HMGA2: variants seen among roughly 807,000 people sequenced by gnomAD.
The protein encoded by HMGA2 is high mobility group AT-hook 2, also known as high mobility group protein HMGI-C.
Under a neutral mutation model 19.1 loss-of-function variants are expected in HMGA2, and 8 were observed. The observed-to-expected ratio is 0.42, with a 90% CI of 0.25 to 0.76. The LOEUF is 0.76. Ranked by LOEUF, HMGA2 falls within the 30% of genes least tolerant of loss-of-function variation. The pLI is 0.28. For synonymous variants in HMGA2, 60 were observed against 48.8 expected (o/e 1.23, Z -0.96); for missense variants, 109 against 136.3 (o/e 0.80, Z 1.00).
chr12:65,905,787 A>G (rs1874566534), intron 3 of HMGA2, among the ~76,000 whole-genome samples: 1 of 152,266 alleles, frequency 6.6e-6, no homozygotes, highest in East Asian at 1.9e-4. Context: ...AGCTGAAGGA[A>G]TAAAATAAAA....
chr12:65,825,163 C>T lies in HMGA2; in HGVS notation c.-108C>T. 1 of 960,456 alleles carries T rather than the reference C, an allele frequency of 1.0e-6. No individual in the cohort carries two copies. Among genetic ancestry groups the T allele is most frequent in the Non-Finnish European group, 1.5e-6 (1 of 677,514 alleles). The allele number at this position is 960,456 out of a possible 1,614,324, so 59.5% of individuals were successfully genotyped here. ...CGCAGCCCGCCAGCTCGCGCTCGCC[C>T]CGCCGGCGTCCCCAGCCCTATCACC... On this transcript the variant is annotated 5_prime_UTR_variant, in exon 1 of 5. Transcript: ENST00000403681. This position sits in a 1 kb window ranked among gnomAD's most constrained non-coding sequence, Gnocchi z 4.4.
intron 3 of HMGA2, among the ~76,000 whole-genome samples, chr12:65,929,030 A>G (rs934971541): frequency 2.6e-5 from 4 of 152,224 alleles, no homozygotes; most frequent in Admixed American, 6.5e-5. Context: ...CATTTTAAGA[A>G]TTGGTCTATG....
At chr12:65,888,134 G>C (rs1184621954) in intron 3 of HMGA2, among the ~76,000 whole-genome samples, 1 of 152,058 alleles carries the variant, frequency 6.6e-6, no homozygotes, top group Non-Finnish European at 1.5e-5. Flanking sequence ...TTATGAGTTA[G>C]GGAGGCACAA....
At chr12:65,954,516 G>C (rs1398340889) in intron 4 of HMGA2, 1 of 152,216 alleles carries the variant, frequency 6.6e-6, no homozygotes, top group Non-Finnish European at 1.5e-5. Context: ...AGAACTTCAA[G>C]AATGGCCCTT....
At chr12:65,855,458 T>TCACACACACACACACA (rs3048829) in intron 3 of HMGA2, among the ~76,000 whole-genome samples, 1 of 140,134 alleles carries the variant, frequency 7.1e-6, no homozygotes, top group African/African-American at 2.8e-5. Flanking sequence ...TCTCTCTCTC[T>TCACACACACACACACA]CACACACACA....
intron 2 of HMGA2, among the ~76,000 whole-genome samples, chr12:65,838,177 A>C (rs954432897): frequency 2.0e-5 from 3 of 152,166 alleles, no homozygotes; most frequent in Admixed American, 1.3e-4. Context: ...ATGTAGTTAC[A>C]GAATGTGGGG....
chr12:65,914,778 A>T, intron 3 of HMGA2: 6 of 389,706 alleles, frequency 1.5e-5, no homozygotes, highest in Non-Finnish European at 3.0e-5. Context: ...AGGTTCAAGC[A>T]ATTCTCCTGC....
At chr12:65,917,254 C>A (rs1875136518) in intron 3 of HMGA2, among the ~76,000 whole-genome samples, 2 of 152,120 alleles carry the variant, frequency 1.3e-5, no homozygotes, top group African/African-American at 2.4e-5. Flanking sequence ...AGTCCCAGGG[C>A]CTAAGGTCCC....
intron 3 of HMGA2, among the ~76,000 whole-genome samples, chr12:65,921,914 C>T (rs193012832): frequency 2.5e-4 from 38 of 152,284 alleles, no homozygotes; most frequent in Admixed American, 6.5e-4. Flanking sequence ...GTGGCTTTGG[C>T]GAGTGGAAAA....
intron 3 of HMGA2, among the ~76,000 whole-genome samples, chr12:65,852,465 T>C (rs1467096145): frequency 1.3e-5 from 2 of 152,126 alleles, no homozygotes; most frequent in East Asian, 3.9e-4. Context: ...ATTGCACCAC[T>C]GTACTCTGGC....
chr12:65,875,809 G>A (rs1233441725), intron 3 of HMGA2, among the ~76,000 whole-genome samples: 1 of 151,530 alleles, frequency 6.6e-6, no homozygotes, highest in Non-Finnish European at 1.5e-5. Flanking sequence ...CTGTGAGTTT[G>A]AACTACCAAC....
intron 2 of HMGA2, among the ~76,000 whole-genome samples, chr12:65,837,644 G>A (rs1301327356): frequency 1.3e-5 from 2 of 152,132 alleles, no homozygotes; most frequent in Non-Finnish European, 1.5e-5. Context: ...TTGGTGTGTT[G>A]TTGTGTATGA....
At chr12:65,939,508 A>T (rs1402428747) in intron 3 of HMGA2, among the ~76,000 whole-genome samples, 1 of 151,912 alleles carries the variant, frequency 6.6e-6, no homozygotes, top group Non-Finnish European at 1.5e-5. Flanking sequence ...GGCACCCACC[A>T]CCACACCTGG....
chr12:65,955,438 A>G (rs766673571), intron 4 of HMGA2: 2 of 152,194 alleles, frequency 1.3e-5, no homozygotes, highest in Non-Finnish European at 2.9e-5. Flanking sequence ...CTAGTTTATC[A>G]GGTATTTGAT....
chr12:65,915,125 C>T, intron 3 of HMGA2: 1 of 1,613,680 alleles, frequency 6.2e-7, no homozygotes, highest in South Asian at 1.1e-5. Context: ...CAAAAGGAGT[C>T]ACTGAATTGT....
intron 3 of HMGA2, among the ~76,000 whole-genome samples, chr12:65,874,935 C>T (rs1412155232): frequency 6.6e-6 from 1 of 152,154 alleles, no homozygotes; most frequent in Non-Finnish European, 1.5e-5. Flanking sequence ...TGGGATCTCA[C>T]ACATCTGCAG....
At position 65,828,077 on chromosome 12, in the gene HMGA2, C is replaced by T. The variant is rs1870298171; in HGVS notation, c.188C>T (p.Ala63Val). 1.2e-6 allele frequency: 2 copies of T among 1,612,220 alleles called. No individual in the cohort carries two copies. Among genetic ancestry groups the T allele is most frequent in the Admixed American group, 1.7e-5 (1 of 60,002 alleles). The change falls in exon 2 of 5, where the codon GCA becomes GTA. Residue 63 changes from alanine to valine, a missense_variant. By Grantham distance (64) the Ala-to-Val change is moderately conservative (BLOSUM62 0). Coordinates refer to ENST00000403681, the MANE Select transcript of HMGA2 (RefSeq NM_003483.6). ...AGCAAAAACAAGAGTCCCTCTAAAG[C>T]AGCTCAAAAGGTGAGATTTCTCAAG... is the stretch of plus-strand genomic sequence containing the variant. ...KGSKNKSPSKAAQKKAEATGE... is the reference protein window; with the variant it reads ...KGSKNKSPSKVAQKKAEATGE...
intron 3 of HMGA2, among the ~76,000 whole-genome samples, chr12:65,853,871 A>G (rs963931093): frequency 2.0e-5 from 3 of 152,218 alleles, no homozygotes; most frequent in African/African-American, 7.2e-5. Context: ...TTCCCTAATT[A>G]AAGTCCATAG....
intron 3 of HMGA2, among the ~76,000 whole-genome samples, chr12:65,933,395 C>A (rs1432240893): frequency 1.3e-5 from 2 of 152,124 alleles, no homozygotes; most frequent in Non-Finnish European, 2.9e-5. Flanking sequence ...TGTAAGTTTT[C>A]TTTAAACCTC....
Sources: allele counts gnomAD v4.1 joint callset (sites outside exome capture counted in the v4.1 genomes callset), GRCh38; gene constraint gnomAD v4.1.1; non-coding constraint Gnocchi (gnomAD v3.1); transcripts MANE v1.5; gene names NCBI Gene and HGNC (gene_info 2026-07-23, HGNC 2026-07-21).